CNTN5: variants seen among roughly 807,000 people sequenced by gnomAD.
CNTN5 encodes the protein contactin-5.
In CNTN5, 77 loss-of-function variants were observed where a neutral mutation model predicts 129.1. The observed-to-expected ratio is 0.60, with a 90% confidence interval of 0.50 to 0.72. The LOEUF (loss-of-function observed/expected upper bound fraction) is 0.72, where lower values mean the gene tolerates loss of function less well. Ranked by LOEUF, CNTN5 falls within the 30% of genes least tolerant of loss-of-function variation. The pLI is 0.00. For synonymous variants in CNTN5, 509 were observed against 465.6 expected (o/e 1.09, Z -1.20); for missense variants, 1,478 against 1,328.8 (o/e 1.11, Z -1.75).
At chr11:99,071,405 C>A (rs1170712493) in intron 1 of CNTN5, among the ~76,000 whole-genome samples, 1 of 151,682 alleles carries the variant, frequency 6.6e-6, no homozygotes, top group Non-Finnish European at 1.5e-5. Context: ...TCAAAAGAGT[C>A]CACAAAACCA....
intron 8 of CNTN5, among the ~76,000 whole-genome samples, chr11:99,990,853 CTA>C (rs1328423688): frequency 6.6e-6 from 1 of 152,072 alleles, no homozygotes; most frequent in Non-Finnish European, 1.5e-5. Flanking sequence ...ATCTAACGTA[CTA>C]CTAGATTTCT....
chr11:99,069,886 T>A (rs1261015074), intron 1 of CNTN5, among the ~76,000 whole-genome samples: 1 of 152,176 alleles, frequency 6.6e-6, no homozygotes, highest in Non-Finnish European at 1.5e-5. Context: ...GCAATAGGGT[T>A]AAAGCCCAGC....
intron 3 of CNTN5, among the ~76,000 whole-genome samples, chr11:99,609,589 G>A (rs1281941356): frequency 6.6e-6 from 1 of 152,106 alleles, no homozygotes; most frequent in Non-Finnish European, 1.5e-5. Context: ...ACAGGAATTG[G>A]TTGATATGCC....
rs1247926360 is a variant in CNTN5, at chr11:99,427,278, A to C, written c.-71+101794A>C. On this transcript the variant is annotated intron_variant, in intron 2 of 24. Coordinates refer to ENST00000524871, the MANE Select transcript of CNTN5 (RefSeq NM_014361.4). The stretch of plus-strand genomic sequence containing the variant: ...GTACAGAATGTTACATCAGAAGAAA[A>C]CATTTTCTTTAGATCTTGAAGATAA... 3.3e-5 allele frequency among the ~76,000 whole-genome samples: 5 copies of C among 152,184 alleles called. No homozygotes were observed. The East Asian group carries it at 9.6e-4, about 29-fold the overall frequency.
At chr11:99,322,240 G>C (rs1024030040) in intron 1 of CNTN5, among the ~76,000 whole-genome samples, 2 of 152,076 alleles carry the variant, frequency 1.3e-5, no homozygotes, top group African/African-American at 4.8e-5. Context: ...CCTTACTCCT[G>C]TCTTCACTTG....
At chr11:100,335,850 T>A (rs550779959) in intron 21 of CNTN5, among the ~76,000 whole-genome samples, 1 of 152,230 alleles carries the variant, frequency 6.6e-6, no homozygotes, top group South Asian at 2.1e-4. Context: ...TCATACTTCC[T>A]GTCTGCCACT....
At chr11:100,319,567 C>T (rs375428862) in intron 21 of CNTN5, among the ~76,000 whole-genome samples, 1 of 152,170 alleles carries the variant, frequency 6.6e-6, no homozygotes, top group African/African-American at 2.4e-5. Context: ...CATTATTGCA[C>T]ATAGTTATCA....
intron 3 of CNTN5, among the ~76,000 whole-genome samples, chr11:99,599,870 A>C (rs989947956): frequency 3.3e-5 from 5 of 152,158 alleles, no homozygotes; most frequent in African/African-American, 1.2e-4. Context: ...AGTCAATAAA[A>C]CTAGATCATT....
Position 99,738,796 on chromosome 11 carries a change from G to A in CNTN5, c.56-80748G>A, listed in dbSNP as rs531579837. On this transcript the variant is annotated intron_variant, in intron 3 of 24. Coordinates refer to ENST00000524871, the MANE Select transcript of CNTN5 (RefSeq NM_014361.4). ...GTACTCTATCCCATAGGCAGTAGAG[G>A]GGGTTTTAGGCATGTAGAAGGAATG... is the stretch of plus-strand genomic sequence containing the variant. Among the ~76,000 whole-genome samples the A allele has an allele frequency of 1.8e-4, 28 of 152,192 alleles. No homozygotes were observed. In the South Asian group the frequency reaches 5.4e-3, roughly 29 times the overall value.
At chr11:99,237,823 G>A (rs1861357320) in intron 1 of CNTN5, among the ~76,000 whole-genome samples, 1 of 152,026 alleles carries the variant, frequency 6.6e-6, no homozygotes, top group African/African-American at 2.4e-5. Flanking sequence ...ATTTTTATAA[G>A]CAAAAATAAT....
chr11:99,284,355 T>A (rs1591468446), intron 1 of CNTN5, among the ~76,000 whole-genome samples: 2 of 152,272 alleles, frequency 1.3e-5, no homozygotes, highest in East Asian at 3.9e-4. Flanking sequence ...GAAATGTTTA[T>A]TTTAAATTAT....
In CNTN5 at chr11:100,193,678, T is replaced by C; in HGVS notation, c.1884+15T>C. 1 of 1,602,354 alleles carries C rather than the reference T, an allele frequency of 6.2e-7. No individual in the cohort carries two copies. On this transcript the variant is annotated intron_variant, in intron 15 of 24. Transcript: ENST00000524871. ...GCATCAGGGCCGTAAGTGAATACACTTTTATTCTTTTAGTAATGATAACTT... is the reference window on the plus strand; with the variant it reads ...GCATCAGGGCCGTAAGTGAATACACCTTTATTCTTTTAGTAATGATAACTT...
At chr11:100,239,922 G>T (rs933351066) in intron 16 of CNTN5, among the ~76,000 whole-genome samples, 6 of 152,162 alleles carry the variant, frequency 3.9e-5, no homozygotes, top group Non-Finnish European at 7.4e-5. Flanking sequence ...TATATGTTTT[G>T]CTCAAGAGGT....
chr11:100,351,842 G>A (rs1024532703), intron 24 of CNTN5, among the ~76,000 whole-genome samples: 2 of 151,360 alleles, frequency 1.3e-5, no homozygotes, highest in African/African-American at 4.8e-5. Context: ...GTCATGCTCT[G>A]TATGTGGCCC....
At chr11:99,782,375 T>A (rs1591164494) in intron 3 of CNTN5, among the ~76,000 whole-genome samples, 1 of 149,506 alleles carries the variant, frequency 6.7e-6, no homozygotes, top group East Asian at 2.0e-4. Flanking sequence ...GTAGGAAGAA[T>A]CAATATCGTG....
chr11:99,387,777 T>C (rs1351558140), intron 2 of CNTN5, among the ~76,000 whole-genome samples: 2 of 152,166 alleles, frequency 1.3e-5, no homozygotes, highest in East Asian at 1.9e-4. Context: ...TGTAGGTATA[T>C]AGACATGTCA....
At chr11:99,173,730 C>T (rs943700798) in intron 1 of CNTN5, among the ~76,000 whole-genome samples, 1 of 152,100 alleles carries the variant, frequency 6.6e-6, no homozygotes, top group Non-Finnish European at 1.5e-5. Flanking sequence ...GTTTTAGACT[C>T]AACAATCGGA....
At chr11:99,418,680 T>G (rs1379626801) in intron 2 of CNTN5, among the ~76,000 whole-genome samples, 1 of 152,200 alleles carries the variant, frequency 6.6e-6, no homozygotes, top group Non-Finnish European at 1.5e-5. Flanking sequence ...TTGGGGTTTC[T>G]TTCTTCCCAT....
At chr11:99,672,341 T>C (rs548605976) in intron 3 of CNTN5, among the ~76,000 whole-genome samples, 2 of 152,132 alleles carry the variant, frequency 1.3e-5, no homozygotes, top group East Asian at 3.9e-4. Context: ...TTAGTAGGCT[T>C]GACTTGCTGA....
Sources: allele counts gnomAD v4.1 joint callset (sites outside exome capture counted in the v4.1 genomes callset), GRCh38; gene constraint gnomAD v4.1.1; transcripts MANE v1.5; gene names NCBI Gene and HGNC (gene_info 2026-07-23, HGNC 2026-07-21).